Variants in ABCC5 observed in about 807,000 individuals in gnomAD.
The protein encoded by ABCC5 is ATP binding cassette subfamily C member 5.
In ABCC5, 61 loss-of-function variants were observed where a neutral mutation model predicts 160.9. The ratio of observed to expected loss-of-function variants is 0.38; its 90% CI spans 0.31 to 0.47. The LOEUF is 0.47. Among genes scored for constraint, ABCC5 ranks in the 20% least tolerant of loss-of-function variants. ABCC5 has a pLI of 0.99. For missense variants in ABCC5, 1,308 were observed against 1,813.3 expected (o/e 0.72, Z 5.06); for synonymous variants, 666 against 700.6 (o/e 0.95, Z 0.78).
At chr3:184,001,817 C>A (rs967143288) in intron 2 of ABCC5, among the ~76,000 whole-genome samples, 6 of 152,088 alleles carry the variant, frequency 3.9e-5, no homozygotes, top group African/African-American at 1.4e-4. Flanking sequence ...AAAGTTTCCC[C>A]TGAAACAAGA....
At chr3:183,953,293 T>G (rs1327463379) in intron 17 of ABCC5, 23 bp from the exon 18 acceptor site, 2 of 1,579,584 alleles carry the variant, frequency 1.3e-6, no homozygotes, top group African/African-American at 1.4e-5. Flanking sequence ...AAAAGAAACA[T>G]GGACTCAGAA....
chr3:183,949,220 C>A lies in ABCC5; in HGVS notation c.3227+533G>T, dbSNP rs1715120705. On this transcript the variant is annotated intron_variant, in intron 22 of 29. Transcript: ENST00000334444. This position sits in a 1 kb window ranked among gnomAD's most constrained non-coding sequence, Gnocchi z 4.2. Reference sequence around the variant, plus strand: ...TCCTATATTGAAGAACATTTTAGTTCCAATCTCTTATTAATACAAAGCTCC... The same window carrying A: ...TCCTATATTGAAGAACATTTTAGTTACAATCTCTTATTAATACAAAGCTCC... Among the ~76,000 whole-genome samples the A allele has an allele frequency of 6.6e-6, 1 of 152,146 alleles. No individual in the cohort carries two copies. The highest frequency in any genetic ancestry group is 2.1e-4 in the South Asian group (1 of 4,828).
At chr3:183,989,495 A>T in intron 2 of ABCC5, 112 bp from the exon 3 acceptor site, 6 of 1,144,914 alleles carry the variant, frequency 5.2e-6, no homozygotes, top group Non-Finnish European at 6.1e-6. Context: ...TAACTGAGAA[A>T]TTCCAAGCAA....
rs755715676 is a variant in ABCC5 at position 183,978,670 on chromosome 3, C to G, written c.1148-19G>C. ...CGGATTTCTATGAATAAAAAGCAAGCCAATTTCAAAGCAAGTTAAAAGAAG... is the reference window on the plus strand; with the variant it reads ...CGGATTTCTATGAATAAAAAGCAAGGCAATTTCAAAGCAAGTTAAAAGAAG... On this transcript the variant is annotated intron_variant, in intron 8 of 29. Coordinates refer to ENST00000334444, the MANE Select transcript of ABCC5 (RefSeq NM_005688.4). 1.1e-5 allele frequency: 17 copies of G among 1,609,982 alleles called. No homozygotes were observed. In the African/African-American group the frequency reaches 1.7e-4, roughly 16 times the overall value.
rs1722305925 is a variant in ABCC5 at position 184,017,666 on chromosome 3, G to A, written c.-56+164C>T. On this transcript the variant is annotated intron_variant, in intron 1 of 29. Coordinates refer to ENST00000334444, the MANE Select transcript of ABCC5 (RefSeq NM_005688.4). The surrounding 1 kb of genome is among the most constrained non-coding windows in gnomAD (Gnocchi z 4.5). ...GGGCTCACAGGCCTAGGAGGCGGCG[G>A]CAGGAGACCAGGGGGAGGCCATACG... 6.6e-6 allele frequency among the ~76,000 whole-genome samples: 1 copy of A among 152,322 alleles called. No individual in the cohort carries two copies. Among genetic ancestry groups the A allele is most frequent in the Non-Finnish European group, 1.5e-5 (1 of 68,020 alleles).
In ABCC5 at chr3:183,949,735, GC is replaced by G; in HGVS notation, c.3227+17del. 1 of 1,613,620 alleles carries G rather than the reference GC, an allele frequency of 6.2e-7. No homozygotes were observed. ...TGCTGACTCCCCTTTGAGGCCTCTA[GC>G]CCCCATCAGGACAAACCTGTGCAGA... On this transcript the variant is annotated intron_variant, in intron 22 of 29. Transcript: ENST00000334444. The surrounding 1 kb of genome is among the most constrained non-coding windows in gnomAD (Gnocchi z 4.2).
At chr3:184,011,037 C>T (rs576388723) in intron 2 of ABCC5, among the ~76,000 whole-genome samples, 19 of 151,650 alleles carry the variant, frequency 1.3e-4, no homozygotes, top group East Asian at 5.8e-4. Context: ...CCACCGTGCC[C>T]GGCCCAAACT....
rs1178441464 is a variant in ABCC5 at position 183,942,876 on chromosome 3, G to A, written c.3545C>T (p.Ala1182Val). The change falls in exon 25 of 30, where the codon GCT (alanine) becomes GTT (valine). Residue 1182 changes from alanine to valine, a missense_variant. Physicochemically the swap from Ala to Val is moderately conservative, Grantham distance 64. This residue lies in a region of ABCC5 where 1,142 missense variants were observed against 1,527.1 expected (regional missense o/e 0.75). Coordinates refer to ENST00000334444, the MANE Select transcript of ABCC5 (RefSeq NM_005688.4). ...LEAPARIKNKAPSPDWPQEGE... is the reference protein window; with the variant it reads ...LEAPARIKNKVPSPDWPQEGE... ...CTCCTGGGGCCAGTCAGGGGAGGGA[G>A]CCTTGTTCTTAATTCTGGCAGGTGC... 1.4e-5 allele frequency: 22 copies of A among 1,613,876 alleles called. No individual in the cohort carries two copies. The Admixed American group carries it at 2.2e-4, about 16-fold the overall frequency.
At chr3:183,942,327 C>T in intron 25 of ABCC5, 1 of 454,186 alleles carries the variant, frequency 2.2e-6, no homozygotes, top group South Asian at 1.6e-5. Context: ...AGCCACTGCG[C>T]CCAGCCTACT....
At chr3:183,927,967 C>T (rs1712755105) in intron 27 of ABCC5, 1 of 287,880 alleles carries the variant, frequency 3.5e-6, no homozygotes, top group Non-Finnish European at 5.2e-6. Flanking sequence ...ATAACAGAAG[C>T]CTCACCCTAG....
chr3:183,923,076 G>T (rs1001781809), intron 29 of ABCC5, among the ~76,000 whole-genome samples: 3 of 152,076 alleles, frequency 2.0e-5, no homozygotes, highest in African/African-American at 7.2e-5. Flanking sequence ...ACACAGCTGG[G>T]GTAAGTCAGT....
Position 183,961,532 on chromosome 3 carries a change from C to T in ABCC5, c.2358G>A (p.Leu786=), listed in dbSNP as rs1290109911. ...DYATIFNNLL[L]GETPPVEINS... ...TTACCTCAACTGGCGGTGTCTCTCC[C>T]AGCAACAGGTTATTAAAAATGGTAG... The change falls in exon 16 of 30, where the codon CTG becomes CTA. Residue 786 remains leucine (L), a synonymous_variant. Transcript: ENST00000334444. 1.9e-6 allele frequency: 3 copies of T among 1,614,084 alleles called. No individual in the cohort carries two copies. Among genetic ancestry groups the T allele is most frequent in the Admixed American group, 1.7e-5 (1 of 60,002 alleles).
intron 17 of ABCC5, among the ~76,000 whole-genome samples, chr3:183,954,755 T>C (rs1353987908): frequency 6.6e-6 from 1 of 152,194 alleles, no homozygotes; most frequent in Non-Finnish European, 1.5e-5. Context: ...GAGTTAATTT[T>C]GCCACGGTTA....
At chr3:183,980,737 C>G (rs541052206) in intron 8 of ABCC5, among the ~76,000 whole-genome samples, 1 of 145,548 alleles carries the variant, frequency 6.9e-6, no homozygotes, top group African/African-American at 2.6e-5. Context: ...TTTTTTGAGA[C>G]AGTCTCGCTG....
chr3:184,015,602 G>A (rs1722125806), intron 1 of ABCC5, among the ~76,000 whole-genome samples: 1 of 151,974 alleles, frequency 6.6e-6, no homozygotes, highest in Non-Finnish European at 1.5e-5. Flanking sequence ...TGCAAAGACA[G>A]GTTTCCAGTC....
chr3:183,953,668 G>A (rs573468828), intron 17 of ABCC5, among the ~76,000 whole-genome samples: 3 of 152,286 alleles, frequency 2.0e-5, no homozygotes, highest in African/African-American at 7.2e-5. Context: ...GGTGTGGGGT[G>A]GTTGGCAGGC....
chr3:183,938,282 A>C (rs1713942626), intron 25 of ABCC5, among the ~76,000 whole-genome samples: 1 of 152,268 alleles, frequency 6.6e-6, no homozygotes, highest in South Asian at 2.1e-4. Context: ...CTGAGAAGGA[A>C]GGGAAGGGAC....
At chr3:183,950,211 ACTCT>A in intron 20 of ABCC5, 86 bp from the exon 21 acceptor site, 1 of 1,415,588 alleles carries the variant, frequency 7.1e-7, no homozygotes, top group Non-Finnish European at 9.4e-7. Flanking sequence ...GGTTCCACAA[ACTCT>A]CTATCTGAAG....
At chr3:183,979,817 G>A (rs1405948922) in intron 8 of ABCC5, among the ~76,000 whole-genome samples, 3 of 151,852 alleles carry the variant, frequency 2.0e-5, no homozygotes, top group Non-Finnish European at 4.4e-5. Flanking sequence ...GGGCTCTAGT[G>A]ATCCTGTCTC....
Sources: gnomAD v4.1 joint callset for allele counts (sites outside exome capture counted in the v4.1 genomes callset) on GRCh38, gnomAD v4.1.1 for gene constraint, gnomAD v4.1.1 regional missense constraint, Gnocchi (gnomAD v3.1) non-coding constraint, MANE v1.5 for transcripts, NCBI Gene and HGNC (gene_info 2026-07-23, HGNC 2026-07-21) for gene names.